Variants in CYP3A4 observed in about 807,000 individuals in gnomAD.
The protein encoded by CYP3A4 is cytochrome P450 3A4.
In CYP3A4, 41 loss-of-function variants were observed where a neutral mutation model predicts 54.9. The observed-to-expected ratio is 0.75, with a 90% CI of 0.58 to 0.97. The LOEUF (loss-of-function observed/expected upper bound fraction) is 0.97, where lower values mean the gene tolerates loss of function less well. CYP3A4 is among the 50% of genes least tolerant of loss of function. CYP3A4 has a pLI of 0.00. For missense variants in CYP3A4, 510 were observed against 597.3 expected, an observed-to-expected ratio of 0.85 and a Z score of 1.52; for synonymous variants, 179 against 205.2, an observed-to-expected ratio of 0.87 and a Z score of 1.09.
intron 3 of CYP3A4, among the ~76,000 whole-genome samples, chr7:99,777,241 AG>A (rs1415903108): frequency 6.6e-6 from 1 of 152,066 alleles, no homozygotes; most frequent in Non-Finnish European, 1.5e-5. Context: ...ATGTAATAAA[AG>A]GGCACCTAAG....
intron 11 of CYP3A4, 152 bp downstream of exon 11, chr7:99,761,889 C>T (rs1815342111): frequency 1.3e-6 from 1 of 762,002 alleles, no homozygotes; most frequent in South Asian, 1.9e-5. Context: ...TAAAGTGTGA[C>T]AATAATCAAT....
chr7:99,782,672 G>A (rs1489623970), intron 1 of CYP3A4, among the ~76,000 whole-genome samples: 1 of 152,148 alleles, frequency 6.6e-6, no homozygotes, highest in Non-Finnish European at 1.5e-5. Flanking sequence ...TACCCTGAGG[G>A]ATGAGGAATA....
intron 3 of CYP3A4, among the ~76,000 whole-genome samples, 198 bp downstream of exon 3, chr7:99,777,830 A>T (rs1815809950): frequency 6.6e-6 from 1 of 152,152 alleles, no homozygotes; most frequent in African/African-American, 2.4e-5. Context: ...CACATAGTTT[A>T]TAAAGGCATG....
chr7:99,761,046 G>A, intron 11 of CYP3A4, 65 bp from the exon 12 acceptor site: 1 of 1,562,478 alleles, frequency 6.4e-7, no homozygotes, highest in South Asian at 1.2e-5. Flanking sequence ...TTACATGTTA[G>A]GGTTTCTTAC....
chr7:99,760,405 G>A (rs1163231431), intron 12 of CYP3A4, among the ~76,000 whole-genome samples: 2 of 152,308 alleles, frequency 1.3e-5, no homozygotes, highest in East Asian at 1.9e-4. Flanking sequence ...TGATTCCAAT[G>A]TACAGCTAGT....
chr7:99,766,022 A>C (rs1242119767), intron 9 of CYP3A4, among the ~76,000 whole-genome samples: 1 of 151,914 alleles, frequency 6.6e-6, no homozygotes, highest in Admixed American at 6.6e-5. Flanking sequence ...GTAATGGAAA[A>C]ACCCACAATT....
chr7:99,777,920 G>A, intron 3 of CYP3A4, 108 bp downstream of exon 3: 1 of 851,554 alleles, frequency 1.2e-6, no homozygotes, highest in East Asian at 2.5e-5. Context: ...TAGTTAGGTT[G>A]ACAAGAGCTT....
At position 99,779,724 on chromosome 7, in the gene CYP3A4, G is replaced by A. The variant is rs753404716; in HGVS notation, c.165+268C>T. ...GCAAAAAGAAAACCTTCTTTATGGC[G>A]CTCACAAAGTTTGCACATCAAGTTC... On this transcript the variant is annotated intron_variant, in intron 2 of 12. Transcript: ENST00000651514. 2.1e-4 allele frequency among the ~76,000 whole-genome samples: 32 copies of A among 152,208 alleles called. 1 individual carries two copies. Among genetic ancestry groups the A allele is most frequent in the Admixed American group, 1.4e-3 (22 of 15,290 alleles).
At chr7:99,781,708 G>T (rs1211686719) in intron 1 of CYP3A4, among the ~76,000 whole-genome samples, 3 of 152,202 alleles carry the variant, frequency 2.0e-5, no homozygotes, top group African/African-American at 7.2e-5. Flanking sequence ...AGCATGGTGT[G>T]TATAAATGGA....
In CYP3A4 at chr7:99,772,704, C is replaced by CA. The variant is rs1815665847; in HGVS notation, c.219-16dup. ...CATCATAAAAGCTGTGTGAAAAAAA[C>CA]AGAGTTGATTAAACATCAACAGCCT... On this transcript the variant is annotated splice_polypyrimidine_tract_variant and intron_variant, in intron 3 of 12. Coordinates refer to ENST00000651514, the MANE Select transcript of CYP3A4 (RefSeq NM_017460.6). 2.5e-6 allele frequency: 4 copies of CA among 1,612,272 alleles called. No individual in the cohort carries two copies. The highest frequency in any genetic ancestry group is 2.5e-6 in the Non-Finnish European group (3 of 1,178,892).
intron 5 of CYP3A4, 96 bp from the exon 6 acceptor site, chr7:99,769,952 T>G (rs1346633733): frequency 6.9e-6 from 11 of 1,594,326 alleles, no homozygotes; most frequent in Admixed American, 1.7e-5. Flanking sequence ...AAGTGACATT[T>G]TATAATGAAT....
chr7:99,767,059 C>A, intron 8 of CYP3A4, 72 bp downstream of exon 8: 1 of 1,415,008 alleles, frequency 7.1e-7, no homozygotes, highest in African/African-American at 1.4e-5. Flanking sequence ...GGTAACTGCA[C>A]TGATCATATG....
intron 12 of CYP3A4, among the ~76,000 whole-genome samples, 182 bp downstream of exon 12, chr7:99,760,637 G>A (rs1342609345): frequency 6.6e-6 from 1 of 152,198 alleles, no homozygotes; most frequent in African/African-American, 2.4e-5. Flanking sequence ...TGTTTTTGAT[G>A]CTACAGCTTT....
At chr7:99,781,861 T>C (rs1815933406) in intron 1 of CYP3A4, among the ~76,000 whole-genome samples, 1 of 152,234 alleles carries the variant, frequency 6.6e-6, no homozygotes, top group African/African-American at 2.4e-5. Context: ...CCTTGTTTTC[T>C]CTTCTTTAAA....
At chr7:99,759,424 G>GCACA (rs28988598) in intron 12 of CYP3A4, among the ~76,000 whole-genome samples, 1 of 150,962 alleles carries the variant, frequency 6.6e-6, no homozygotes, top group Non-Finnish European at 1.5e-5. Context: ...GCCCACATGT[G>GCACA]CACACACACA....
At chr7:99,771,357 C>A (rs562271323) in intron 4 of CYP3A4, among the ~76,000 whole-genome samples, 1 of 152,212 alleles carries the variant, frequency 6.6e-6, no homozygotes, top group East Asian at 1.9e-4. Flanking sequence ...AACATAATAT[C>A]ATTTACAGTC....
At chr7:99,761,924 T>A in intron 11 of CYP3A4, 117 bp downstream of exon 11, 1 of 967,828 alleles carries the variant, frequency 1.0e-6, no homozygotes. Context: ...AATCTCTAAA[T>A]ATAAAAATAC....
chr7:99,767,129 A>G lies in CYP3A4; in HGVS notation c.798+2T>C, dbSNP rs1247641673. On this transcript the variant is annotated splice_donor_variant, in intron 8 of 12. Coordinates refer to ENST00000651514, the MANE Select transcript of CYP3A4 (RefSeq NM_017460.6). LOFTEE classifies it high-confidence loss of function. The stretch of plus-strand genomic sequence containing the variant: ...CCTCCTATAACTACCACCACATTTT[A>G]CCTTTTGTGTATCTTCGAGGCGACT... 1 of 1,607,402 alleles carries G rather than the reference A, an allele frequency of 6.2e-7. No homozygotes were observed. Among genetic ancestry groups the G allele is most frequent in the Non-Finnish European group, 8.5e-7 (1 of 1,177,666 alleles).
At position 99,760,078 on chromosome 7, in the gene CYP3A4, G is replaced by A. The variant is rs373482461; in HGVS notation, c.1416+741C>T. 7.2e-4 allele frequency among the ~76,000 whole-genome samples: 109 copies of A among 152,124 alleles called. 1 individual carries two copies. The highest frequency in any genetic ancestry group is 4.2e-3 in the South Asian group (20 of 4,808). On this transcript the variant is annotated intron_variant, in intron 12 of 12. Transcript: ENST00000651514. ...TCTCGATCTCCTGACCTCATGATCC[G>A]CCTGCTTCGGCCTCCCAAAGTGCTG...
Sources: allele counts gnomAD v4.1 joint callset (sites outside exome capture counted in the v4.1 genomes callset), GRCh38; gene constraint gnomAD v4.1.1; transcripts MANE v1.5; gene names NCBI Gene and HGNC (gene_info 2026-07-23, HGNC 2026-07-21).